Variants in PAG1 observed in about 807,000 individuals in gnomAD.
PAG1 encodes the protein phosphoprotein associated with glycosphingolipid-enriched microdomains 1.
PAG1 carries 23 observed loss-of-function variants against 31.7 expected under a neutral mutation model. The ratio of observed to expected loss-of-function variants is 0.73; its 90% confidence interval spans 0.52 to 1.03. The LOEUF is 1.03. Ranked by LOEUF, PAG1 falls within the 50% of genes least tolerant of loss-of-function variation. The pLI is 0.00. For synonymous variants in PAG1, 214 were observed against 210.3 expected (o/e 1.02, Z -0.15); for missense variants, 473 against 540.7 (o/e 0.87, Z 1.24).
intron 3 of PAG1, among the ~76,000 whole-genome samples, chr8:81,024,278 C>T (rs1244223668): frequency 6.6e-6 from 1 of 152,200 alleles, no homozygotes; most frequent in Non-Finnish European, 1.5e-5. Flanking sequence ...AACCCCGATC[C>T]AGGCTCGGCC....
chr8:81,080,032 A>G (rs915041630), intron 1 of PAG1, among the ~76,000 whole-genome samples: 2 of 152,098 alleles, frequency 1.3e-5, no homozygotes. Flanking sequence ...GGCCTCCCAA[A>G]GTGCTGGGAT....
intron 3 of PAG1, among the ~76,000 whole-genome samples, chr8:81,001,986 A>G (rs917751631): frequency 1.3e-5 from 2 of 152,026 alleles, no homozygotes; most frequent in South Asian, 4.1e-4. Flanking sequence ...AAGAATGTTC[A>G]CTCCCATCTG....
chr8:81,086,464 TCTCA>T (rs1367787506), intron 1 of PAG1, among the ~76,000 whole-genome samples: 5 of 152,076 alleles, frequency 3.3e-5, no homozygotes, highest in African/African-American at 1.2e-4. Flanking sequence ...TAGTTCTTAC[TCTCA>T]CTGTTAGGGA....
At chr8:81,063,173 T>C (rs754336792) in intron 2 of PAG1, among the ~76,000 whole-genome samples, 2 of 152,214 alleles carry the variant, frequency 1.3e-5, no homozygotes, top group African/African-American at 4.8e-5. Context: ...GGCAGGGCCA[T>C]TCCAGCCTGC....
At chr8:80,996,794 G>A (rs1395842519) in intron 3 of PAG1, among the ~76,000 whole-genome samples, 1 of 152,128 alleles carries the variant, frequency 6.6e-6, no homozygotes, top group Admixed American at 6.5e-5. Context: ...CTGTTCTTTT[G>A]AGTGAGGGGA....
At chr8:81,048,159 C>A (rs983541325) in intron 2 of PAG1, among the ~76,000 whole-genome samples, 2 of 152,188 alleles carry the variant, frequency 1.3e-5, no homozygotes, top group Admixed American at 1.3e-4. Flanking sequence ...CTTCCCCCTT[C>A]TCCCCTGACC....
intron 2 of PAG1, among the ~76,000 whole-genome samples, chr8:81,044,786 T>G (rs1186381050): frequency 6.6e-6 from 1 of 152,154 alleles, no homozygotes; most frequent in African/African-American, 2.4e-5. Context: ...ATGTTTCCTA[T>G]GTCAGTGCAT....
rs574080272 is a variant in PAG1 at position 80,973,112 on chromosome 8, A to C, written c.*3432T>G. 7.9e-4 allele frequency: 121 copies of C among 152,260 alleles called. 1 individual carries two copies. Among genetic ancestry groups the C allele is most frequent in the African/African-American group, 2.7e-3 (112 of 41,550 alleles). The allele number at this position is 152,260 out of a possible 1,614,324, so 9.4% of individuals were successfully genotyped here. ...AATTAGAATTAACTCTGGGATTTTG[A>C]GGGCAGATAAATCAGTAATTAGCCT... On this transcript the variant is annotated 3_prime_UTR_variant, in exon 9 of 9. Transcript: ENST00000220597.
At chr8:81,061,311 A>G (rs7841352) in intron 2 of PAG1, among the ~76,000 whole-genome samples, 15,242 of 152,226 alleles carry the variant, frequency 0.1, 2,579 homozygotes, top group African/African-American at 0.35. Context: ...TAACACCAGC[A>G]TAGGAAAGAC....
chr8:81,008,553 A>G (rs1000744117), intron 3 of PAG1, among the ~76,000 whole-genome samples: 1 of 148,422 alleles, frequency 6.7e-6, no homozygotes, highest in Non-Finnish European at 1.5e-5. Flanking sequence ...TACATATTAT[A>G]TACTAATATA....
At position 80,980,440 on chromosome 8, in the gene PAG1, C is replaced by G. The variant is rs775458125; in HGVS notation, c.931G>C (p.Glu311Gln). The change falls in exon 8 of 9, where the codon GAA (glutamate) becomes CAA (glutamine). Residue 311 changes from glutamate to glutamine, a missense_variant. Physicochemically the swap from Glu to Gln is conservative, Grantham distance 29. Transcript: ENST00000220597. ...TAAAAAGAAACAAAACTTACCTCTT[C>G]TTCTGTGAGAGTGGGGTCTTCTTCC... ...SREEDPTLTE[E>Q]EISAMYSSVN... 1 of 1,588,308 alleles carries G rather than the reference C, an allele frequency of 6.3e-7. No individual in the cohort carries two copies. The highest frequency in any genetic ancestry group is 1.1e-5 in the South Asian group (1 of 90,530).
chr8:80,983,527 A>C (rs1005484980), intron 7 of PAG1, among the ~76,000 whole-genome samples: 4 of 152,224 alleles, frequency 2.6e-5, no homozygotes, highest in African/African-American at 9.6e-5. Context: ...AATGAATATT[A>C]AATACTTCAA....
chr8:81,109,324 G>GTTT (rs1809739371), intron 1 of PAG1, among the ~76,000 whole-genome samples: 1 of 152,216 alleles, frequency 6.6e-6, no homozygotes, highest in South Asian at 2.1e-4. Flanking sequence ...TCATTTGCAA[G>GTTT]TTGAGGCAGC....
chr8:81,087,785 T>C (rs1412713315), intron 1 of PAG1, among the ~76,000 whole-genome samples: 1 of 152,176 alleles, frequency 6.6e-6, no homozygotes, highest in African/African-American at 2.4e-5. Context: ...GCTGCAAGGC[T>C]ACACTGCAGT....
At chr8:81,055,832 G>C (rs1808813548) in intron 2 of PAG1, among the ~76,000 whole-genome samples, 3 of 152,198 alleles carry the variant, frequency 2.0e-5, no homozygotes, top group Non-Finnish European at 4.4e-5. Flanking sequence ...TGCTGAAATT[G>C]CTTATCAGCT....
In PAG1 at chr8:80,973,802, G is replaced by C. The variant is rs1003759061; in HGVS notation, c.*2742C>G. ...AATTTATGAAAAACTATACTGTACA[G>C]TCAAAACAGTGATGGTGCCTCAGTA... On this transcript the variant is annotated 3_prime_UTR_variant, in exon 9 of 9. Transcript: ENST00000220597. 6.9e-6 allele frequency: 1 copy of C among 145,970 alleles called. No homozygotes were observed. The highest frequency in any genetic ancestry group is 7.1e-5 in the Admixed American group (1 of 13,996). The allele number at this position is 145,970 out of a possible 1,614,324, so 9.0% of individuals were successfully genotyped here.
At chr8:81,070,427 T>TA (rs1436172471) in intron 1 of PAG1, among the ~76,000 whole-genome samples, 1 of 152,198 alleles carries the variant, frequency 6.6e-6, no homozygotes, top group Non-Finnish European at 1.5e-5. Context: ...TGTAGAAAAG[T>TA]AAAAATGATG....
intron 5 of PAG1, among the ~76,000 whole-genome samples, 190 bp downstream of exon 5, chr8:80,991,289 G>A (rs1423245650): frequency 6.6e-6 from 1 of 152,144 alleles, no homozygotes; most frequent in African/African-American, 2.4e-5. Context: ...CCTGCAGTAG[G>A]TTGGAGCCAT....
chr8:81,028,349 G>A (rs529595404), intron 3 of PAG1, among the ~76,000 whole-genome samples: 5 of 152,262 alleles, frequency 3.3e-5, no homozygotes, highest in African/African-American at 4.8e-5. Context: ...CTTTAAATGC[G>A]TCTTTTTTCT....
Sources: gnomAD v4.1 joint callset for allele counts (sites outside exome capture counted in the v4.1 genomes callset) on GRCh38, gnomAD v4.1.1 for gene constraint, MANE v1.5 for transcripts, NCBI Gene and HGNC (gene_info 2026-07-23, HGNC 2026-07-21) for gene names.